The following NOX5 variants were observed in gnomAD, a reference collection of about 807,000 sequenced individuals.
The protein encoded by NOX5 is NADPH oxidase, EF-hand calcium binding domain 5.
NOX5 carries 76 observed loss-of-function variants against 85.7 expected under a neutral mutation model. The observed-to-expected ratio is 0.89, with a 90% CI of 0.74 to 1.07. The LOEUF is 1.07. Ranked by LOEUF, NOX5 falls within the 50% of genes least tolerant of loss-of-function variation. The pLI is 0.00. For missense variants in NOX5, 973 were observed against 999.5 expected (o/e 0.97, Z 0.36); for synonymous variants, 405 against 401.4 (o/e 1.01, Z -0.11).
At chr15:69,047,640 GTC>G (rs2050692519) in intron 12 of NOX5, 103 bp downstream of exon 12, 3 of 1,445,546 alleles carry the variant, frequency 2.1e-6, no homozygotes, top group East Asian at 2.4e-5. Flanking sequence ...CCTTTCACCT[GTC>G]TCTCTCTGCT....
intron 1 of NOX5, 86 bp from the exon 2 acceptor site, chr15:69,026,442 G>A (rs1363378665): frequency 6.4e-7 from 1 of 1,569,460 alleles, no homozygotes; most frequent in Non-Finnish European, 8.7e-7. Flanking sequence ...CCTAGTTAGA[G>A]CAAGGCAGAG....
chr15:69,054,011 A>G (rs2050780312), intron 14 of NOX5, among the ~76,000 whole-genome samples: 1 of 152,192 alleles, frequency 6.6e-6, no homozygotes, highest in Non-Finnish European at 1.5e-5. Flanking sequence ...TTAGGAAACA[A>G]TAGAGAGCAG....
chr15:69,017,553 C>T (rs754937543), intron 1 of NOX5, among the ~76,000 whole-genome samples: 1 of 152,182 alleles, frequency 6.6e-6, no homozygotes, highest in African/African-American at 2.4e-5. Flanking sequence ...CTGCTTCCAG[C>T]TGTCCCACCT....
At chr15:69,052,084 G>A (rs989285379) in intron 14 of NOX5, among the ~76,000 whole-genome samples, 15 of 152,036 alleles carry the variant, frequency 9.9e-5, no homozygotes, top group Non-Finnish European at 1.2e-4. Context: ...TAGGCATGGT[G>A]GTATGCACCT....
rs563009403 is a variant in NOX5, at chr15:69,021,402, C to T, written c.51-5126C>T. On this transcript the variant is annotated intron_variant, in intron 1 of 15. Coordinates refer to ENST00000388866, the MANE Select transcript of NOX5 (RefSeq NM_024505.4). ...CTGTGATCTCAACTCACTGCAACCT[C>T]TGCCTCCTGGGTTCAAGTGATTCTC... 6.7e-5 allele frequency among the ~76,000 whole-genome samples: 10 copies of T among 149,448 alleles called. No individual in the cohort carries two copies. In the East Asian group the frequency reaches 2.0e-3, roughly 30 times the overall value.
intron 4 of NOX5, among the ~76,000 whole-genome samples, chr15:69,032,469 G>C (rs528469700): frequency 2.4e-4 from 37 of 151,114 alleles, no homozygotes; most frequent in African/African-American, 8.3e-4. Context: ...GGGGTGCAGT[G>C]GTATGATCTC....
In NOX5 at chr15:69,033,080, C is replaced by G. The variant is rs780034662; in HGVS notation, c.658C>G (p.Arg220Gly). ...HWLTAPAPRP[R>G]PRRPRQLTRA... ...GCTGACGGCCCCCGCCCCCCGCCCA[C>G]GCCCGCGCCGGCCGCGCCAGCTGAC... The change falls in exon 5 of 16, where the codon CGC (arginine) becomes GGC (glycine). Residue 220 changes from arginine to glycine, a missense_variant. Coordinates refer to ENST00000388866, the MANE Select transcript of NOX5 (RefSeq NM_024505.4). 6.4e-7 allele frequency: 1 copy of G among 1,562,262 alleles called. No individual in the cohort carries two copies. The highest frequency in any genetic ancestry group is 1.4e-5 in the African/African-American group (1 of 72,516).
intron 1 of NOX5, among the ~76,000 whole-genome samples, chr15:69,016,797 CATAT>C (rs3084776): frequency 0.1 from 15,829 of 151,314 alleles, 1,240 homozygotes; most frequent in African/African-American, 0.22. Flanking sequence ...ATGACATATG[CATAT>C]ATATATATAC....
intron 15 of NOX5, 38 bp downstream of exon 15, chr15:69,055,538 A>T (rs894673005): frequency 6.2e-7 from 1 of 1,603,120 alleles, no homozygotes; most frequent in Non-Finnish European, 8.5e-7. Context: ...GCAGGTATGG[A>T]TGAAGCTGAG....
At position 69,019,554 on chromosome 15, in the gene NOX5, C is replaced by A. The variant is rs186699296; in HGVS notation, c.50+4769C>A. On this transcript the variant is annotated intron_variant, in intron 1 of 15. Coordinates refer to ENST00000388866, the MANE Select transcript of NOX5 (RefSeq NM_024505.4). The stretch of plus-strand genomic sequence containing the variant: ...TGTATGCTCATGGATACCATCAGAT[C>A]AATCATACTGAGGCGTAAAGCAATA... Among the ~76,000 whole-genome samples, 29 of 152,314 alleles carry A rather than the reference C, an allele frequency of 1.9e-4. No homozygotes were observed. In the East Asian group the frequency reaches 4.6e-3, roughly 24 times the overall value.
chr15:69,026,802 C>A, intron 2 of NOX5, 151 bp downstream of exon 2: 1 of 998,770 alleles, frequency 1.0e-6, no homozygotes, highest in Non-Finnish European at 1.5e-6. Context: ...TGGCACCCTC[C>A]CATTCCTCTT....
intron 2 of NOX5, 50 bp downstream of exon 2, chr15:69,026,701 G>A (rs1468727188): frequency 6.2e-7 from 1 of 1,611,782 alleles, no homozygotes; most frequent in East Asian, 2.2e-5. Flanking sequence ...TATGTGGCCT[G>A]GTTCTCAGGG....
chr15:69,028,121 C>CT, intron 2 of NOX5, 94 bp from the exon 3 acceptor site: 1 of 1,379,516 alleles, frequency 7.2e-7, no homozygotes, highest in African/African-American at 1.5e-5. Context: ...TGCACCCCCC[C>CT]ACCACCACCC....
Position 69,047,729 on chromosome 15 carries a change from C to A in NOX5, c.1818-101C>A. On this transcript the variant is annotated intron_variant, in intron 12 of 15. Coordinates refer to ENST00000388866, the MANE Select transcript of NOX5 (RefSeq NM_024505.4). ...TCCCTCCCCTTCCTCATAGAGTGGG[C>A]TCTGCCACCCCATCCTTGCTCCCTG... The A allele has an allele frequency of 2.2e-6, 3 of 1,369,512 alleles. No homozygotes were observed. The South Asian group carries it at 3.8e-5, about 17-fold the overall frequency. The allele number at this position is 1,369,512 out of a possible 1,614,324, so 84.8% of individuals were successfully genotyped here. A position where few individuals can be genotyped will look rare whatever the true frequency, so the allele number is the denominator to read the frequency against.
chr15:69,035,797 G>C lies in NOX5; in HGVS notation c.1049G>C (p.Trp350Ser). Reference sequence around the variant, plus strand: ...GCGGAGGCCAGCCCTTTCCAGTTCTGGGAGCTGCTGCTCACCACGAGGCCT... The same window carrying C: ...GCGGAGGCCAGCCCTTTCCAGTTCTCGGAGCTGCTGCTCACCACGAGGCCT... ...AQAEASPFQF[W>S]ELLLTTRPGI... The change falls in exon 7 of 16, where the codon TGG becomes TCG. Residue 350 changes from tryptophan to serine, a missense_variant. Transcript: ENST00000388866. 1 of 1,614,160 alleles carries C rather than the reference G, an allele frequency of 6.2e-7. No homozygotes were observed. The highest frequency in any genetic ancestry group is 8.5e-7 in the Non-Finnish European group (1 of 1,180,042).
rs2050850185 is a variant in NOX5, at chr15:69,059,383, C to A, written c.*2687C>A. 6.6e-6 allele frequency: 1 copy of A among 152,188 alleles called. No homozygotes were observed. The highest frequency in any genetic ancestry group is 2.4e-5 in the African/African-American group (1 of 41,440). The allele number at this position is 152,188 out of a possible 1,614,324, so 9.4% of individuals were successfully genotyped here. A position where few individuals can be genotyped will look rare whatever the true frequency, so the allele number is the denominator to read the frequency against. On this transcript the variant is annotated 3_prime_UTR_variant, in exon 16 of 16. Coordinates refer to ENST00000388866, the MANE Select transcript of NOX5 (RefSeq NM_024505.4). ...GACAACGCCCTGTTCCAAAGCTCCC[C>A]ACTAGAGGCAAAACCTCCAGGCTCC...
intron 6 of NOX5, 26 bp downstream of exon 6, chr15:69,035,533 T>A: frequency 6.2e-7 from 1 of 1,612,390 alleles, no homozygotes; most frequent in Non-Finnish European, 8.5e-7. Context: ...CAGGGTTGGG[T>A]CGGGGAGAAG....
chr15:69,023,021 TG>T, intron 1 of NOX5: 1 of 486,982 alleles, frequency 2.1e-6, no homozygotes. Flanking sequence ...GAATGTTCCA[TG>T]GGCCTGCTTA....
chr15:69,040,319 A>G (rs1055656827), intron 9 of NOX5, among the ~76,000 whole-genome samples: 67 of 152,366 alleles, frequency 4.4e-4, no homozygotes, highest in African/African-American at 1.5e-3. Flanking sequence ...CAATATCAAA[A>G]TATGTACAGA....
Sources: gnomAD v4.1 joint callset for allele counts (sites outside exome capture counted in the v4.1 genomes callset) on GRCh38, gnomAD v4.1.1 for gene constraint, MANE v1.5 for transcripts, NCBI Gene and HGNC (gene_info 2026-07-23, HGNC 2026-07-21) for gene names.